The following PTCSC3 variants were observed in gnomAD, a reference collection of about 807,000 sequenced individuals.
PTCSC3 encodes the protein papillary thyroid carcinoma susceptibility candidate 3, also known as papillary thyroid carcinoma susceptibility candidate 3 (non-protein coding).
intron 3 of PTCSC3, among the ~76,000 whole-genome samples, chr14:36,150,869 T>C (rs1468807467): frequency 6.6e-6 from 1 of 152,206 alleles, no homozygotes; most frequent in Non-Finnish European, 1.5e-5. Flanking sequence ...TCGGAAGCTA[T>C]ATATGTTGTT....
intron 3 of PTCSC3, among the ~76,000 whole-genome samples, chr14:36,152,212 T>G (rs939020174): frequency 6.6e-6 from 1 of 152,142 alleles, no homozygotes; most frequent in Non-Finnish European, 1.5e-5. Flanking sequence ...ATAGACAAGT[T>G]TTTTGAAGGT....
intron 3 of PTCSC3, among the ~76,000 whole-genome samples, chr14:36,148,585 C>G (rs1331995858): frequency 1.3e-5 from 2 of 152,208 alleles, no homozygotes; most frequent in Non-Finnish European, 2.9e-5. Flanking sequence ...GTGAGATGAA[C>G]CTGGTACCTC....
chr14:36,148,738 T>C (rs1033447883), intron 3 of PTCSC3, among the ~76,000 whole-genome samples: 1 of 152,206 alleles, frequency 6.6e-6, no homozygotes, highest in Non-Finnish European at 1.5e-5. Context: ...GGTCTATTTC[T>C]CCTTGTATGA....
intron 2 of PTCSC3, among the ~76,000 whole-genome samples, chr14:36,159,086 G>T (rs1308782200): frequency 6.6e-6 from 1 of 151,964 alleles, no homozygotes; most frequent in East Asian, 1.9e-4. Flanking sequence ...ATTTCTGTGG[G>T]ATCAGTGGGG....
chr14:36,151,659 G>T (rs1169128), intron 3 of PTCSC3, among the ~76,000 whole-genome samples: 96,804 of 151,958 alleles, frequency 0.64, 31,222 homozygotes, highest in Middle Eastern at 0.69. Flanking sequence ...TTTAGAAGAA[G>T]TTCTTAGCCT....
At chr14:36,173,616 A>G (rs1406817707) in intron 1 of PTCSC3, among the ~76,000 whole-genome samples, 1 of 144,750 alleles carries the variant, frequency 6.9e-6, no homozygotes, top group Non-Finnish European at 1.5e-5. Flanking sequence ...CTATAATGAT[A>G]TCTATCTTCA....
intron 2 of PTCSC3, chr14:36,153,932 G>T (rs1490742979): frequency 6.6e-6 from 1 of 152,050 alleles, no homozygotes; most frequent in Non-Finnish European, 1.5e-5. Flanking sequence ...AGTTGTGATG[G>T]TGTATGCCTG....
chr14:36,147,694 T>G (rs1464620318), intron 3 of PTCSC3, among the ~76,000 whole-genome samples: 2 of 152,146 alleles, frequency 1.3e-5, no homozygotes, highest in African/African-American at 2.4e-5. Context: ...GCTTTGTTCC[T>G]TTGCTGGTGA....
intron 3 of PTCSC3, among the ~76,000 whole-genome samples, chr14:36,139,250 A>G (rs186381507): frequency 6.6e-6 from 1 of 152,196 alleles, no homozygotes; most frequent in African/African-American, 2.4e-5. Context: ...TATCCATGCA[A>G]TGTAATACTG....
chr14:36,161,418 TC>T lies in PTCSC3; in HGVS notation n.231+1205del, dbSNP rs1881953690. On this transcript the variant is annotated intron_variant and non_coding_transcript_variant, in intron 2 of 3. Coordinates refer to ENST00000556013, the Ensembl canonical transcript of PTCSC3. The stretch of plus-strand genomic sequence containing the variant: ...GGATGGGGTTTTCTGTGTCTGGACA[TC>T]CTTTTTGTTGATGTTGATGCTATTT... Among the ~76,000 whole-genome samples the T allele has an allele frequency of 3.9e-5, 6 of 152,320 alleles. No homozygotes were observed. The South Asian group carries it at 1.2e-3, about 32-fold the overall frequency.
intron 3 of PTCSC3, among the ~76,000 whole-genome samples, chr14:36,149,423 C>A (rs1250446646): frequency 1.3e-5 from 2 of 151,708 alleles, no homozygotes; most frequent in African/African-American, 2.4e-5. Flanking sequence ...GTGAATGTTC[C>A]CTGTGAGTTT....
intron 1 of PTCSC3, among the ~76,000 whole-genome samples, chr14:36,171,346 T>C (rs1882188635): frequency 6.6e-6 from 1 of 152,152 alleles, no homozygotes; most frequent in Non-Finnish European, 1.5e-5. Context: ...ATGGAGATAA[T>C]AGCTACACAT....
intron 2 of PTCSC3, among the ~76,000 whole-genome samples, chr14:36,162,277 A>AAC (rs1013643274): frequency 8.9e-6 from 1 of 112,284 alleles, no homozygotes; most frequent in African/African-American, 2.8e-5. Flanking sequence ...AAAAAAAAAA[A>AAC]AAAAAAAACT....
chr14:36,142,018 C>A lies in PTCSC3; in HGVS notation n.323-5662G>T, dbSNP rs146309099. Reference sequence around the variant, plus strand: ...TCCCAACCTGTATGCCTTTTGTCTTCTTTTCTGGTCTTACTGCATTGGCTA... The same window carrying A: ...TCCCAACCTGTATGCCTTTTGTCTTATTTTCTGGTCTTACTGCATTGGCTA... On this transcript the variant is annotated intron_variant and non_coding_transcript_variant, in intron 3 of 3. Transcript: ENST00000556013. 3.4e-3 allele frequency among the ~76,000 whole-genome samples: 514 copies of A among 152,216 alleles called. 2 individuals are homozygous for A. Among genetic ancestry groups the A allele is most frequent in the African/African-American group, 9.6e-3 (399 of 41,556 alleles).
intron 2 of PTCSC3, among the ~76,000 whole-genome samples, chr14:36,155,423 G>T (rs1022106549): frequency 6.6e-6 from 1 of 151,728 alleles, no homozygotes; most frequent in Non-Finnish European, 1.5e-5. Context: ...GTTCACAAGT[G>T]GTTCTTTAAT....
At chr14:36,148,338 G>A (rs947204128) in intron 3 of PTCSC3, among the ~76,000 whole-genome samples, 36 of 152,298 alleles carry the variant, frequency 2.4e-4, no homozygotes, top group Non-Finnish European at 4.1e-4. Flanking sequence ...AGGACCCTCC[G>A]AGCCAGGTGT....
At chr14:36,141,870 T>C (rs1881429840) in intron 3 of PTCSC3, among the ~76,000 whole-genome samples, 2 of 152,254 alleles carry the variant, frequency 1.3e-5, no homozygotes, top group Non-Finnish European at 2.9e-5. Context: ...TTATTGACTT[T>C]AATATATTAA....
chr14:36,173,826 T>C (rs2139115462), intron 1 of PTCSC3, among the ~76,000 whole-genome samples: 1 of 152,260 alleles, frequency 6.6e-6, no homozygotes, highest in South Asian at 2.1e-4. Context: ...TTTATTTAAC[T>C]CTTGTTTACG....
intron 2 of PTCSC3, among the ~76,000 whole-genome samples, chr14:36,154,958 C>T (rs1357456160): frequency 6.6e-6 from 1 of 152,178 alleles, no homozygotes; most frequent in Non-Finnish European, 1.5e-5. Flanking sequence ...CATGCATTCA[C>T]AAATTAGTTC....
Sources: gnomAD v4.1 joint callset for allele counts (sites outside exome capture counted in the v4.1 genomes callset) on GRCh38, gnomAD v4.1.1 for gene constraint, MANE v1.5 for transcripts, NCBI Gene and HGNC (gene_info 2026-07-23, HGNC 2026-07-21) for gene names.